The following ARHGEF10L variants were observed in gnomAD, a reference collection of about 807,000 sequenced individuals.
The protein encoded by ARHGEF10L is Rho guanine nucleotide exchange factor 10 like, also known as rho guanine nucleotide exchange factor 10-like protein.
ARHGEF10L carries 69 observed loss-of-function variants against 141.2 expected under a neutral mutation model. The ratio of observed to expected loss-of-function variants is 0.49; its 90% CI spans 0.40 to 0.60. The LOEUF is 0.60. ARHGEF10L is among the 20% of genes least tolerant of loss of function. The pLI is 0.00. For synonymous variants in ARHGEF10L, 711 were observed against 718.5 expected, an observed-to-expected ratio of 0.99 and a Z score of 0.17; for missense variants, 1,482 against 1,734.3, an observed-to-expected ratio of 0.85 and a Z score of 2.58.
At chr1:17,655,437 G>GTCCATCCATCCATCCATCCA (rs55790600) in intron 23 of ARHGEF10L, among the ~76,000 whole-genome samples, 1 of 148,478 alleles carries the variant, frequency 6.7e-6, no homozygotes, top group African/African-American at 2.5e-5. Context: ...TCTATCATCT[G>GTCCATCCATCCATCCATCCA]TCCATCCATC....
At chr1:17,648,480 T>C in intron 21 of ARHGEF10L, 74 bp from the exon 22 acceptor site, 1 of 1,577,630 alleles carries the variant, frequency 6.3e-7, no homozygotes, top group Non-Finnish European at 8.6e-7. Context: ...TCCCTGGGGC[T>C]TGGAGGGCTC....
At chr1:17,534,413 G>A in the ARHGEF10L span, among the ~76,000 whole-genome samples, 9 of 151,828 alleles carry the variant, frequency 5.9e-5, no homozygotes, top group Non-Finnish European at 1.3e-4. Context: ...GTGAACCACC[G>A]TGCTTGGCTG....
At position 17,641,980 on chromosome 1, in the gene ARHGEF10L, T is replaced by TA. The variant is rs766761868; in HGVS notation, c.2272+1687dup. Among the ~76,000 whole-genome samples the TA allele has an allele frequency of 2.1e-3, 288 of 138,752 alleles. 3 individuals are homozygous for TA. Among genetic ancestry groups the TA allele is most frequent in the African/African-American group, 7.0e-3 (262 of 37,312 alleles). 91.0% of individuals were successfully genotyped at this position (138,752 alleles called of 152,430 possible). ...TGAGTGATAGAGTGAGACTCCGTCT[T>TA]AAAAAAAAAGAAAAAAAAAAGAAAA... On this transcript the variant is annotated intron_variant, in intron 21 of 28. Transcript: ENST00000361221.
intron 1 of ARHGEF10L, among the ~76,000 whole-genome samples, chr1:17,546,602 C>T (rs1247288457): frequency 6.6e-6 from 1 of 152,164 alleles, no homozygotes; most frequent in Non-Finnish European, 1.5e-5. Flanking sequence ...CTCCTTTATG[C>T]GGTTTTCCTT....
At chr1:17,596,421 C>T (rs991057886) in intron 4 of ARHGEF10L, among the ~76,000 whole-genome samples, 6 of 152,236 alleles carry the variant, frequency 3.9e-5, no homozygotes, top group Non-Finnish European at 8.8e-5. Context: ...CTGTCCCTCC[C>T]TGTGCTGCAG....
chr1:17,665,569 A>G (rs1282368716), intron 26 of ARHGEF10L, among the ~76,000 whole-genome samples: 2 of 152,088 alleles, frequency 1.3e-5, no homozygotes, highest in Non-Finnish European at 2.9e-5. Flanking sequence ...TTGGAGCCGG[A>G]CCTACCAGAC....
intron 25 of ARHGEF10L, 109 bp from the exon 26 acceptor site, chr1:17,664,338 G>C: frequency 8.1e-7 from 1 of 1,239,158 alleles, no homozygotes; most frequent in Non-Finnish European, 1.1e-6. Context: ...CCTGGAGAGC[G>C]GGGAGAGGGT....
In ARHGEF10L at chr1:17,617,264, A is replaced by G. The variant is rs1557834866; in HGVS notation, c.835+1062A>G. ...ATTTGATCAATTGATCATTCATGTG[A>G]CAAGTTTTATTAAGCATCTACTATG... On this transcript the variant is annotated intron_variant, in intron 9 of 28. Transcript: ENST00000361221. Among the ~76,000 whole-genome samples the G allele has an allele frequency of 2.0e-5, 3 of 152,342 alleles. No individual in the cohort carries two copies. The South Asian group carries it at 6.2e-4, about 32-fold the overall frequency.
chr1:17,679,741 G>A (rs1195920557), intron 26 of ARHGEF10L, among the ~76,000 whole-genome samples: 3 of 152,264 alleles, frequency 2.0e-5, no homozygotes, highest in Non-Finnish European at 4.4e-5. Context: ...TCGCAGCCCT[G>A]CCCTTTGCTG....
At position 17,685,362 on chromosome 1, in the gene ARHGEF10L, C is replaced by T. The variant is rs908234276; in HGVS notation, c.3010-2211C>T. Reference sequence around the variant, plus strand: ...TCTGGCCTGTCCCATTGCTGTGCCCCCCACCACGGGTCCCTCTGCTTCTCA... The same window carrying T: ...TCTGGCCTGTCCCATTGCTGTGCCCTCCACCACGGGTCCCTCTGCTTCTCA... On this transcript the variant is annotated intron_variant, in intron 26 of 28. Coordinates refer to ENST00000361221, the MANE Select transcript of ARHGEF10L (RefSeq NM_018125.4). 9.8e-5 allele frequency among the ~76,000 whole-genome samples: 15 copies of T among 152,324 alleles called. No individual in the cohort carries two copies. The East Asian group carries it at 2.7e-3, about 27-fold the overall frequency.
At chr1:17,579,836 AG>A (rs1474859088) in intron 1 of ARHGEF10L, among the ~76,000 whole-genome samples, 1 of 152,216 alleles carries the variant, frequency 6.6e-6, no homozygotes, top group Non-Finnish European at 1.5e-5. Context: ...TCCAGGGCCC[AG>A]GAAGCCCACC....
At chr1:17,521,353 C>T in the ARHGEF10L span, among the ~76,000 whole-genome samples, 5 of 152,164 alleles carry the variant, frequency 3.3e-5, no homozygotes, top group Admixed American at 1.3e-4. Flanking sequence ...TGCGCCACCA[C>T]GCCCGGCTAA....
chr1:17,649,719 A>G (rs538224051), intron 22 of ARHGEF10L, among the ~76,000 whole-genome samples: 1 of 152,338 alleles, frequency 6.6e-6, no homozygotes, highest in African/African-American at 2.4e-5. Flanking sequence ...GGTGTGTAAT[A>G]AAGACATCGG....
chr1:17,669,811 G>T (rs1275245752), intron 26 of ARHGEF10L, among the ~76,000 whole-genome samples: 1 of 152,254 alleles, frequency 6.6e-6, no homozygotes, highest in African/African-American at 2.4e-5. Context: ...GCACAGAAAT[G>T]AGCAAGGTGG....
At chr1:17,613,212 C>A in intron 8 of ARHGEF10L, 38 bp downstream of exon 8, 2 of 1,514,298 alleles carry the variant, frequency 1.3e-6, no homozygotes, top group South Asian at 1.2e-5. Flanking sequence ...TGGATGGGGG[C>A]TGTTTCCAGC....
chr1:17,582,827 G>A (rs1405603023), intron 2 of ARHGEF10L, among the ~76,000 whole-genome samples: 1 of 151,862 alleles, frequency 6.6e-6, no homozygotes, highest in Non-Finnish European at 1.5e-5. Context: ...CACCCACCCC[G>A]AACCCCAGGA....
chr1:17,634,559 A>G lies in ARHGEF10L; in HGVS notation c.1742A>G (p.His581Arg). 3 of 1,613,122 alleles carry G rather than the reference A, an allele frequency of 1.9e-6. No homozygotes were observed. The highest frequency in any genetic ancestry group is 2.5e-6 in the Non-Finnish European group (3 of 1,179,348). ...CANINFKPAN[H>R]RGQLEISSLV... ...GTCTTTTTTCCCAGGCCTGCCAACC[A>G]CAGGTACGTGGTTCAGGGGGCTCCG... The change falls in exon 17 of 29, where the codon CAC (histidine) becomes CGC (arginine). Residue 581 changes from histidine to arginine, a missense_variant. By Grantham distance (29) the His-to-Arg change is conservative (BLOSUM62 0). Around this residue, in one of 3 missense-constraint regions of ARHGEF10L, gnomAD observed 858 missense variants for 966.3 expected, o/e 0.89. Coordinates refer to ENST00000361221, the MANE Select transcript of ARHGEF10L (RefSeq NM_018125.4).
chr1:17,528,917 G>A, the ARHGEF10L span, among the ~76,000 whole-genome samples: 270 of 152,288 alleles, frequency 1.8e-3, 2 homozygotes, highest in East Asian at 0.045. Context: ...AGGTCTTGTC[G>A]TGTAGCAAAT....
At position 17,619,487 on chromosome 1, in the gene ARHGEF10L, G is replaced by C. The variant is rs755039875; in HGVS notation, c.942+42G>C. ...GGCAGGTGGGGGTCTGCAGGGGAAG[G>C]GGTGGCTTGGGGGTTCCAGCCTGTT... On this transcript the variant is annotated intron_variant, in intron 10 of 28. Transcript: ENST00000361221. The surrounding 1 kb of genome is among the most constrained non-coding windows in gnomAD (Gnocchi z 5.0). 1 of 1,456,864 alleles carries C rather than the reference G, an allele frequency of 6.9e-7. No individual in the cohort carries two copies. Among genetic ancestry groups the C allele is most frequent in the South Asian group, 1.3e-5 (1 of 79,984 alleles). The allele number at this position is 1,456,864 out of a possible 1,614,324, so 90.2% of individuals were successfully genotyped here. A position where few individuals can be genotyped will look rare whatever the true frequency, so the allele number is the denominator to read the frequency against.
Sources: gnomAD v4.1 joint callset for allele counts (sites outside exome capture counted in the v4.1 genomes callset) on GRCh38, gnomAD v4.1.1 for gene constraint, gnomAD v4.1.1 regional missense constraint, Gnocchi (gnomAD v3.1) non-coding constraint, MANE v1.5 for transcripts, NCBI Gene and HGNC (gene_info 2026-07-23, HGNC 2026-07-21) for gene names.